CPEB3: variants seen among roughly 807,000 people sequenced by gnomAD.
CPEB3 encodes the protein cytoplasmic polyadenylation element-binding protein 3.
A neutral mutation model predicts 67.2 loss-of-function variants in CPEB3; 20 were observed. That is an observed-to-expected ratio of 0.30 (90% confidence interval 0.21 to 0.43). The LOEUF is 0.43. Ranked by LOEUF, CPEB3 falls within the 20% of genes least tolerant of loss-of-function variation. CPEB3 has a pLI of 1.00. For synonymous variants in CPEB3, 376 were observed against 393.1 expected, an observed-to-expected ratio of 0.96 and a Z score of 0.51; for missense variants, 746 against 968.6, an observed-to-expected ratio of 0.77 and a Z score of 3.05.
intron 1 of CPEB3, among the ~76,000 whole-genome samples, chr10:92,257,171 G>C (rs1427646129): frequency 6.6e-6 from 1 of 152,196 alleles, no homozygotes; most frequent in African/African-American, 2.4e-5. Context: ...TCCTGTTGGA[G>C]GATATTTGAT....
intron 6 of CPEB3, among the ~76,000 whole-genome samples, chr10:92,125,556 G>A (rs915631924): frequency 6.6e-6 from 1 of 152,168 alleles, no homozygotes; most frequent in African/African-American, 2.4e-5. Context: ...GGGGTAGAAG[G>A]CTCAGGGTGG....
intron 1 of CPEB3, among the ~76,000 whole-genome samples, chr10:92,266,548 G>A (rs973535345): frequency 5.3e-5 from 8 of 151,830 alleles, no homozygotes; most frequent in East Asian, 1.9e-4. Context: ...TCCTCTTTCC[G>A]TCTACATGCA....
Position 92,156,841 on chromosome 10 carries a change from C to T in CPEB3, c.1223-11756G>A, listed in dbSNP as rs543235134. On this transcript the variant is annotated intron_variant, in intron 4 of 9. Transcript: ENST00000265997. ...ATGATCCACTGTACATATATATTAG[C>T]TTCTGCCAGTAGTCACTCATTCAAC... 2.2e-4 allele frequency among the ~76,000 whole-genome samples: 33 copies of T among 152,266 alleles called. No homozygotes were observed. In the East Asian group the frequency reaches 4.4e-3, roughly 20 times the overall value.
chr10:92,268,585 CAA>C (rs1228897085), intron 1 of CPEB3, among the ~76,000 whole-genome samples: 1 of 152,194 alleles, frequency 6.6e-6, no homozygotes, highest in Non-Finnish European at 1.5e-5. Flanking sequence ...CCTTCTCTCT[CAA>C]AGTTTTCACC....
chr10:92,116,144 TA>T (rs1035774348), intron 6 of CPEB3, among the ~76,000 whole-genome samples: 1 of 151,050 alleles, frequency 6.6e-6, no homozygotes, highest in Non-Finnish European at 1.5e-5. Flanking sequence ...CAAGGCCCTG[TA>T]GCAGAGTCTC....
At position 92,283,202 on chromosome 10, in the gene CPEB3, G is replaced by A. The variant is rs564253691; in HGVS notation, c.-12+7724C>T. Among the ~76,000 whole-genome samples the A allele has an allele frequency of 2.6e-4, 40 of 152,196 alleles. 1 individual carries two copies. In the South Asian group the frequency reaches 7.1e-3, roughly 27 times the overall value. On this transcript the variant is annotated intron_variant, in intron 1 of 9. Transcript: ENST00000265997. ...GGTAGGCAAGGCCACAGTGAGCCAT[G>A]ATTTCACCACTGCACTCCAGCCTGG...
chr10:92,079,207 G>A (rs928060918), intron 9 of CPEB3, among the ~76,000 whole-genome samples: 1 of 152,154 alleles, frequency 6.6e-6, no homozygotes, highest in African/African-American at 2.4e-5. Context: ...GCACAAGCAC[G>A]TCTACCAGCA....
rs946390164 is a variant in CPEB3 at position 92,051,488 on chromosome 10, T to G, written c.*724A>C. 8 of 152,636 alleles carry G rather than the reference T, an allele frequency of 5.2e-5. No individual in the cohort carries two copies. The highest frequency in any genetic ancestry group is 1.7e-4 in the African/African-American group (7 of 41,536). The allele number at this position is 152,636 out of a possible 1,614,324, so 9.5% of individuals were successfully genotyped here. A position where few individuals can be genotyped will look rare whatever the true frequency, so the allele number is the denominator to read the frequency against. On this transcript the variant is annotated 3_prime_UTR_variant, in exon 10 of 10. Coordinates refer to ENST00000265997, the MANE Select transcript of CPEB3 (RefSeq NM_014912.5). ...AATTGATATCCTAGCCTGAATAGAG[T>G]ATTATGGTATTAATAATACCATTTT...
At chr10:92,111,295 C>T in intron 6 of CPEB3, 101 bp from the exon 7 acceptor site, 1 of 830,766 alleles carries the variant, frequency 1.2e-6, no homozygotes. Context: ...CAAATTCTTA[C>T]TAAAATCTAA....
chr10:92,059,232 G>A (rs1220454655), intron 9 of CPEB3, among the ~76,000 whole-genome samples: 1 of 149,980 alleles, frequency 6.7e-6, no homozygotes, highest in East Asian at 2.0e-4. Flanking sequence ...AGCTAAGGCA[G>A]GAGAATCGCT....
At chr10:92,092,906 T>C (rs10882023) in intron 7 of CPEB3, among the ~76,000 whole-genome samples, 53,630 of 152,104 alleles carry the variant, frequency 0.35, 9,735 homozygotes, top group African/African-American at 0.4. Flanking sequence ...GAAATCTTTA[T>C]GGCATATTTC....
intron 2 of CPEB3, among the ~76,000 whole-genome samples, chr10:92,215,453 T>TC (rs1165103326): frequency 6.6e-6 from 1 of 150,472 alleles, no homozygotes; most frequent in African/African-American, 2.4e-5. Flanking sequence ...CACCTGGCTT[T>TC]TTTTTTTTAG....
chr10:92,246,311 G>C (rs1195322895), intron 1 of CPEB3, among the ~76,000 whole-genome samples: 1 of 149,750 alleles, frequency 6.7e-6, no homozygotes, highest in Non-Finnish European at 1.5e-5. Flanking sequence ...TCCAGCCTGG[G>C]AGACAGAGCG....
At chr10:92,160,206 A>G (rs752996686) in intron 4 of CPEB3, among the ~76,000 whole-genome samples, 12 of 152,130 alleles carry the variant, frequency 7.9e-5, no homozygotes, top group Non-Finnish European at 1.3e-4. Context: ...CGGCCTCCCA[A>G]AGTGCTGGGA....
At position 92,143,590 on chromosome 10, in the gene CPEB3, G is replaced by T. The variant is rs1029867796; in HGVS notation, c.1364-472C>A. Among the ~76,000 whole-genome samples, 3 of 152,220 alleles carry T rather than the reference G, an allele frequency of 2.0e-5. No individual in the cohort carries two copies. The East Asian group carries it at 5.8e-4, about 29-fold the overall frequency. ...GGCAATAAGTAGGTAATTCTATTGG[G>T]TGATAAGAAAATGTTGATGGCCAAT... On this transcript the variant is annotated intron_variant, in intron 5 of 9. Transcript: ENST00000265997.
At position 92,240,219 on chromosome 10, in the gene CPEB3, G is replaced by T; in HGVS notation, c.132C>A (p.Thr44=). Residue 44 remains threonine, a synonymous_variant, in exon 2 of 10, where the codon ACC becomes ACA. Coordinates refer to ENST00000265997, the MANE Select transcript of CPEB3 (RefSeq NM_014912.5). ...EAPSTPLSSE[T]PKPEENSAVP... ...CTGCGCTGTTTTCCTCCGGCTTGGG[G>T]GTCTCTGAGGAGAGGGGCGTGGACG... is the stretch of plus-strand genomic sequence containing the variant. The T allele has an allele frequency of 1.3e-6, 2 of 1,508,330 alleles. No homozygotes were observed. Among genetic ancestry groups the T allele is most frequent in the Non-Finnish European group, 1.8e-6 (2 of 1,125,998 alleles). The allele number at this position is 1,508,330 out of a possible 1,614,324, so 93.4% of individuals were successfully genotyped here.
intron 8 of CPEB3, among the ~76,000 whole-genome samples, chr10:92,085,888 G>A (rs1426106902): frequency 6.6e-6 from 1 of 152,186 alleles, no homozygotes; most frequent in Non-Finnish European, 1.5e-5. Context: ...GGGATTACAG[G>A]CGTGAGCCAC....
intron 6 of CPEB3, among the ~76,000 whole-genome samples, chr10:92,129,871 G>C (rs886937032): frequency 1.3e-5 from 2 of 151,922 alleles, no homozygotes; most frequent in African/African-American, 4.8e-5. Context: ...GCAAGACTCT[G>C]TCTCCACAAA....
intron 7 of CPEB3, among the ~76,000 whole-genome samples, chr10:92,102,280 A>T (rs922691629): frequency 1.3e-5 from 2 of 152,216 alleles, no homozygotes; most frequent in African/African-American, 4.8e-5. Context: ...CAAGGCAAAA[A>T]GCTGTAACTC....
Sources: allele counts gnomAD v4.1 joint callset (sites outside exome capture counted in the v4.1 genomes callset), GRCh38; gene constraint gnomAD v4.1.1; transcripts MANE v1.5; gene names NCBI Gene and HGNC (gene_info 2026-07-23, HGNC 2026-07-21).